SCN10A: variants seen among roughly 807,000 people sequenced by gnomAD.
SCN10A encodes sodium voltage-gated channel alpha subunit 10, also known as sodium channel protein type 10 subunit alpha.
A neutral mutation model predicts 170.7 loss-of-function variants in SCN10A; 162 were observed. That is an observed-to-expected ratio of 0.95 (90% CI 0.84 to 1.08). The LOEUF (loss-of-function observed/expected upper bound fraction) is 1.08. Ranked by LOEUF, SCN10A falls within the 50% of genes least tolerant of loss-of-function variation. The pLI is 0.00. For synonymous variants in SCN10A, 985 were observed against 904.6 expected (o/e 1.09, Z -1.59); for missense variants, 2,527 against 2,436.9 (o/e 1.04, Z -0.78).
Position 38,712,296 on chromosome 3 carries a change from A to C in SCN10A, c.3954T>G (p.Phe1318Leu). 1 of 1,614,222 alleles carries C rather than the reference A, an allele frequency of 6.2e-7. No individual in the cohort carries two copies. Among genetic ancestry groups the C allele is most frequent in the Non-Finnish European group, 8.5e-7 (1 of 1,180,032 alleles). The change falls in exon 23 of 28, where the codon TTT becomes TTG. Residue 1318 changes from phenylalanine (F) to leucine (L), a missense_variant. By Grantham distance (22) the Phe-to-Leu change is conservative (BLOSUM62 0). Transcript: ENST00000449082. ...TCACAATCGACAAAGGTACAAGGGAAAACTCTCCATCGGTATAGTTGATGC... is the reference window on the plus strand; with the variant it reads ...TCACAATCGACAAAGGTACAAGGGACAACTCTCCATCGGTATAGTTGATGC... ...WRCINYTDGEFSLVPLSIVNN... is the reference protein window; with the variant it reads ...WRCINYTDGELSLVPLSIVNN...
intron 13 of SCN10A, among the ~76,000 whole-genome samples, chr3:38,746,127 C>T (rs543104450): frequency 3.2e-5 from 4 of 123,920 alleles, no homozygotes; most frequent in African/African-American, 1.2e-4. Context: ...AAGTTCTAGA[C>T]CCCTATATCC....
intron 4 of SCN10A, among the ~76,000 whole-genome samples, chr3:38,772,322 G>GAA (rs147803028): frequency 9.7e-5 from 13 of 133,872 alleles, no homozygotes; most frequent in Non-Finnish European, 1.9e-4. Flanking sequence ...CCAAACAACT[G>GAA]AAAAAAAAAA....
Position 38,707,299 on chromosome 3 carries a change from T to C in SCN10A, c.4366A>G (p.Lys1456Glu). Residue 1456 changes from lysine (K) to glutamate (E), a missense_variant, in exon 26 of 28, where the codon AAG (lysine) becomes GAG (glutamate). Physicochemically the swap from Lys to Glu is moderately conservative, Grantham distance 56. Transcript: ENST00000449082. ...MKKLGSKKPQ[K>E]PIPRPLNKFQ... ...CTCACCAGGGGCCGTGGGATGGGCT[T>C]CTGGGGCTTCTTGGAGCCCAACTTC... The C allele has an allele frequency of 6.2e-7, 1 of 1,614,014 alleles. No homozygotes were observed. Among genetic ancestry groups the C allele is most frequent in the Non-Finnish European group, 8.5e-7 (1 of 1,179,974 alleles).
intron 23 of SCN10A, among the ~76,000 whole-genome samples, chr3:38,711,845 C>T (rs752404557): frequency 6.6e-6 from 1 of 152,230 alleles, no homozygotes; most frequent in Non-Finnish European, 1.5e-5. Context: ...AAGTTGAAGA[C>T]TGAACATGTG....
intron 26 of SCN10A, 73 bp from the exon 27 acceptor site, chr3:38,702,182 T>C: frequency 2.0e-6 from 3 of 1,470,068 alleles, no homozygotes; most frequent in Non-Finnish European, 2.7e-6. Flanking sequence ...TATCTGTAGA[T>C]GAGTTTTGTC....
At chr3:38,720,799 C>T (rs900632340) in intron 20 of SCN10A, among the ~76,000 whole-genome samples, 4 of 152,162 alleles carry the variant, frequency 2.6e-5, no homozygotes, top group Admixed American at 2.6e-4. Flanking sequence ...AAGCCAATGA[C>T]GTAGTGAGGA....
intron 2 of SCN10A, among the ~76,000 whole-genome samples, chr3:38,792,818 G>A (rs2064300368): frequency 6.6e-6 from 1 of 152,052 alleles, no homozygotes; most frequent in Non-Finnish European, 1.5e-5. Flanking sequence ...AGAAGCTCTT[G>A]TTTAAACTAC....
chr3:38,747,834 T>C (rs1303870829), intron 13 of SCN10A, among the ~76,000 whole-genome samples: 3 of 152,250 alleles, frequency 2.0e-5, no homozygotes, highest in Admixed American at 1.3e-4. Context: ...TTTATTTAAT[T>C]CAAATTTCTG....
rs60874265 is a variant in SCN10A at position 38,741,289 on chromosome 3, A to AACACACACAC, written c.2106+992_2106+1001dup. The stretch of plus-strand genomic sequence containing the variant: ...TGCCTATCATGTGTGCGTGTGTTTG[A>AACACACACAC]ACACACACACACACACACACACACA... On this transcript the variant is annotated intron_variant, in intron 14 of 27. Coordinates refer to ENST00000449082, the MANE Select transcript of SCN10A (RefSeq NM_006514.4). Among the ~76,000 whole-genome samples the AACACACACAC allele has an allele frequency of 2.3e-3, 333 of 146,768 alleles. 3 individuals are homozygous for AACACACACAC. The highest frequency in any genetic ancestry group is 0.018 in the South Asian group (80 of 4,536).
At chr3:38,778,743 C>A (rs1481651069) in intron 4 of SCN10A, among the ~76,000 whole-genome samples, 1 of 152,042 alleles carries the variant, frequency 6.6e-6, no homozygotes, top group African/African-American at 2.4e-5. Flanking sequence ...TTATCTTCCT[C>A]TGGGTTCTCA....
At chr3:38,770,650 A>G (rs1219000721) in intron 5 of SCN10A, among the ~76,000 whole-genome samples, 1 of 152,080 alleles carries the variant, frequency 6.6e-6, no homozygotes, top group African/African-American at 2.4e-5. Flanking sequence ...CTGAGAAAGA[A>G]AGCATGACTT....
At chr3:38,734,895 C>T (rs531719725) in intron 15 of SCN10A, among the ~76,000 whole-genome samples, 16 of 151,954 alleles carry the variant, frequency 1.1e-4, no homozygotes, top group African/African-American at 2.7e-4. Context: ...TTAGGCTGGG[C>T]GTGGGTGGCT....
rs774492634 is a variant in SCN10A, at chr3:38,701,933, G to C, written c.4563C>G (p.Gly1521=). ...AAGCGAACATCTTCATGACACATTC[G>C]CCTGTGAAGACGGCCACAAAGAACT... ...INQFFVAVFT[G]ECVMKMFALR... Residue 1521 remains glycine, a synonymous_variant, in exon 27 of 28, where the codon GGC becomes GGG. Coordinates refer to ENST00000449082, the MANE Select transcript of SCN10A (RefSeq NM_006514.4). 1 of 1,614,142 alleles carries C rather than the reference G, an allele frequency of 6.2e-7. No homozygotes were observed.
intron 27 of SCN10A, among the ~76,000 whole-genome samples, chr3:38,700,104 CAAACA>C (rs932837051): frequency 6.6e-6 from 1 of 151,806 alleles, no homozygotes; most frequent in Non-Finnish European, 1.5e-5. Context: ...TTTTGGAAGA[CAAACA>C]AAACAAAACA....
At chr3:38,806,573 C>T (rs907285612) in intron 1 of SCN10A, among the ~76,000 whole-genome samples, 2 of 152,094 alleles carry the variant, frequency 1.3e-5, no homozygotes, top group East Asian at 3.8e-4. Context: ...TTCTTTGACC[C>T]TCATTTCTGT....
chr3:38,767,183 C>T (rs564286021), intron 5 of SCN10A, among the ~76,000 whole-genome samples: 84 of 151,538 alleles, frequency 5.5e-4, no homozygotes, highest in Non-Finnish European at 1.0e-3. Flanking sequence ...TTAAAGAACC[C>T]GCTTTTTGTT....
At chr3:38,760,533 A>T in intron 8 of SCN10A, 148 bp downstream of exon 8, 3 of 665,314 alleles carry the variant, frequency 4.5e-6, no homozygotes, top group South Asian at 3.8e-5. Context: ...TTCCCTCCCC[A>T]TGAGCTCTGG....
chr3:38,731,389 A>C (rs2063512046), intron 15 of SCN10A, among the ~76,000 whole-genome samples: 1 of 152,218 alleles, frequency 6.6e-6, no homozygotes, highest in African/African-American at 2.4e-5. Context: ...TGTAATGTGT[A>C]ATATACAAGA....
chr3:38,792,837 A>C (rs1466023139), intron 2 of SCN10A, among the ~76,000 whole-genome samples: 1 of 152,144 alleles, frequency 6.6e-6, no homozygotes. Flanking sequence ...ACTGATTCTC[A>C]AACTTTTTGA....
Sources: gnomAD v4.1 joint callset for allele counts (sites outside exome capture counted in the v4.1 genomes callset) on GRCh38, gnomAD v4.1.1 for gene constraint, MANE v1.5 for transcripts, NCBI Gene and HGNC (gene_info 2026-07-23, HGNC 2026-07-21) for gene names.